Variants in ATP8B4 observed in about 807,000 individuals in gnomAD.
ATP8B4 encodes ATPase phospholipid transporting 8B4 (putative).
Under a neutral mutation model 145.6 loss-of-function variants are expected in ATP8B4, and 133 were observed. The ratio of observed to expected loss-of-function variants is 0.91; its 90% CI spans 0.79 to 1.05. The LOEUF (loss-of-function observed/expected upper bound fraction) is 1.05, where lower values mean the gene tolerates loss of function less well. ATP8B4 is among the 50% of genes least tolerant of loss of function. ATP8B4 has a pLI of 0.00. For synonymous variants in ATP8B4, 507 were observed against 492.9 expected (o/e 1.03, Z -0.38); for missense variants, 1,458 against 1,425.2 (o/e 1.02, Z -0.37).
chr15:50,114,103 C>CTTTTTTTTTTTT (rs755159123), intron 1 of ATP8B4, among the ~76,000 whole-genome samples: 615 of 55,568 alleles, frequency 0.011, 10 homozygotes, highest in Middle Eastern at 0.056. Context: ...CTCCTAGTTT[C>CTTTTTTTTTTTT]TTTTTTTTTT....
chr15:50,035,363 A>G (rs2050755482), intron 6 of ATP8B4, among the ~76,000 whole-genome samples: 1 of 152,226 alleles, frequency 6.6e-6, no homozygotes, highest in Non-Finnish European at 1.5e-5. Flanking sequence ...AATGATGTTT[A>G]TATGTATATG....
At chr15:49,969,169 G>C (rs894740014) in intron 13 of ATP8B4, among the ~76,000 whole-genome samples, 1 of 152,190 alleles carries the variant, frequency 6.6e-6, no homozygotes, top group Non-Finnish European at 1.5e-5. Flanking sequence ...ACAGGAGAAA[G>C]ATGGAAAGAT....
chr15:49,978,450 A>G (rs2045862760), intron 12 of ATP8B4, among the ~76,000 whole-genome samples: 1 of 152,168 alleles, frequency 6.6e-6, no homozygotes, highest in Non-Finnish European at 1.5e-5. Flanking sequence ...TTGGCATTTC[A>G]GTTTCCTGAC....
chr15:50,112,117 T>C (rs2056977016), intron 1 of ATP8B4, among the ~76,000 whole-genome samples: 1 of 151,786 alleles, frequency 6.6e-6, no homozygotes, highest in African/African-American at 2.4e-5. Context: ...TTGGGGCCAG[T>C]GGAAAGAGAA....
chr15:50,115,851 G>C (rs1190835153), intron 1 of ATP8B4, among the ~76,000 whole-genome samples: 1 of 152,222 alleles, frequency 6.6e-6, no homozygotes, highest in African/African-American at 2.4e-5. Context: ...AGGTGACAGA[G>C]AGCATTGCCA....
intron 1 of ATP8B4, among the ~76,000 whole-genome samples, chr15:50,178,795 T>A (rs975266775): frequency 1.2e-4 from 18 of 152,220 alleles, no homozygotes; most frequent in Non-Finnish European, 2.1e-4. Flanking sequence ...TTTTAACCAT[T>A]TTTAAGTGTA....
At chr15:50,119,094 T>C (rs149514131) in intron 1 of ATP8B4, 29 bp downstream of exon 1, 45 of 152,328 alleles carry the variant, frequency 3.0e-4, no homozygotes, top group African/African-American at 1.1e-3. Flanking sequence ...TTCATCTCAC[T>C]AACCATTGAA....
chr15:49,973,912 A>C (rs892766638), intron 12 of ATP8B4, among the ~76,000 whole-genome samples: 4 of 152,074 alleles, frequency 2.6e-5, no homozygotes, highest in Non-Finnish European at 4.4e-5. Context: ...TTCAAATTTT[A>C]TTGGCCAGTG....
intron 1 of ATP8B4, among the ~76,000 whole-genome samples, chr15:50,150,380 G>A (rs72737030): frequency 0.17 from 26,406 of 152,102 alleles, 2,531 homozygotes; most frequent in Middle Eastern, 0.24. Flanking sequence ...TTAACACAAT[G>A]GACTCCATTT....
At chr15:49,922,457 T>A (rs939356007) in intron 17 of ATP8B4, 17 of 425,734 alleles carry the variant, frequency 4.0e-5, no homozygotes, top group African/African-American at 3.5e-4. Flanking sequence ...CAAAAAACAA[T>A]AGCTATGTTT....
intron 1 of ATP8B4, among the ~76,000 whole-genome samples, chr15:50,146,921 C>T (rs1194390306): frequency 6.6e-6 from 1 of 152,350 alleles, no homozygotes; most frequent in East Asian, 1.9e-4. Flanking sequence ...CCCCAGTGTG[C>T]ACTCTTCCCA....
At chr15:50,080,334 A>G (rs7177318) in intron 2 of ATP8B4, among the ~76,000 whole-genome samples, 100,176 of 152,038 alleles carry the variant, frequency 0.66, 33,460 homozygotes, top group African/African-American at 0.78. Flanking sequence ...GTTAAATATT[A>G]GGGAACATTT....
intron 2 of ATP8B4, among the ~76,000 whole-genome samples, chr15:50,076,106 T>C (rs2054153699): frequency 1.3e-5 from 2 of 152,220 alleles, no homozygotes; most frequent in Admixed American, 1.3e-4. Flanking sequence ...AAATTTCACA[T>C]TTATATGAAG....
chr15:50,126,318 T>C (rs946649722), intron 1 of ATP8B4, among the ~76,000 whole-genome samples: 13 of 151,864 alleles, frequency 8.6e-5, no homozygotes, highest in African/African-American at 3.1e-4. Context: ...CCATCTTACA[T>C]TCCCAGAAGA....
chr15:49,936,370 T>G (rs2041736570), intron 14 of ATP8B4, among the ~76,000 whole-genome samples: 2 of 152,124 alleles, frequency 1.3e-5, no homozygotes, highest in Non-Finnish European at 2.9e-5. Context: ...GAGGCAAAAG[T>G]TATGAGGCTT....
At chr15:50,173,230 G>A (rs143607728) in intron 1 of ATP8B4, among the ~76,000 whole-genome samples, 7,788 of 152,152 alleles carry the variant, frequency 0.051, 690 homozygotes, top group African/African-American at 0.18. Flanking sequence ...CCATGATGAC[G>A]ATGGCGGTTT....
intron 6 of ATP8B4, among the ~76,000 whole-genome samples, chr15:50,020,369 A>G (rs904939272): frequency 1.3e-5 from 2 of 148,170 alleles, no homozygotes; most frequent in Admixed American, 6.7e-5. Flanking sequence ...TCCCAGGTTC[A>G]AGCAGTTGTC....
In ATP8B4 at chr15:50,047,261, A is replaced by C. The variant is rs370066204; in HGVS notation, c.201+90T>G. On this transcript the variant is annotated intron_variant, in intron 4 of 27. Transcript: ENST00000284509. ...TAAAGGATGATTGTACCTAATCACG[A>C]ACATTTAGCTAAGTAAATTGACTTA... 31 of 786,392 alleles carry C rather than the reference A, an allele frequency of 3.9e-5. No homozygotes were observed. In the African/African-American group the frequency reaches 4.9e-4, roughly 13 times the overall value. 48.7% of individuals were successfully genotyped at this position (786,392 alleles called of 1,614,324 possible).
intron 2 of ATP8B4, among the ~76,000 whole-genome samples, chr15:50,091,921 G>A (rs542466051): frequency 2.6e-5 from 4 of 152,198 alleles, no homozygotes; most frequent in African/African-American, 7.2e-5. Context: ...AATATACATA[G>A]CTACTTGAAG....
Sources: allele counts gnomAD v4.1 joint callset (sites outside exome capture counted in the v4.1 genomes callset), GRCh38; gene constraint gnomAD v4.1.1; transcripts MANE v1.5; gene names NCBI Gene and HGNC (gene_info 2026-07-23, HGNC 2026-07-21).